METTL15: variants seen among roughly 807,000 people sequenced by gnomAD.
METTL15 encodes methyltransferase 15, mitochondrial 12S rRNA N4-cytidine.
In METTL15, 34 loss-of-function variants were observed where a neutral mutation model predicts 38.3. That is an observed-to-expected ratio of 0.89 (90% confidence interval 0.68 to 1.18). The LOEUF (loss-of-function observed/expected upper bound fraction) is 1.18, where lower values mean the gene tolerates loss of function less well. METTL15 is among the 50% of genes most tolerant of loss of function. The pLI is 0.00. For missense variants in METTL15, 438 were observed against 498.4 expected (o/e 0.88, Z 1.15); for synonymous variants, 162 against 170.9 (o/e 0.95, Z 0.41).
intron 6 of METTL15, among the ~76,000 whole-genome samples, chr11:28,513,873 A>G (rs1018234510): frequency 6.6e-6 from 1 of 152,228 alleles, no homozygotes; most frequent in Non-Finnish European, 1.5e-5. Flanking sequence ...CTTTGCCCTC[A>G]TTCCGGTAAA....
intron 4 of METTL15, among the ~76,000 whole-genome samples, chr11:28,255,335 T>C (rs992743219): frequency 1.3e-5 from 2 of 152,206 alleles, no homozygotes; most frequent in African/African-American, 2.4e-5. Flanking sequence ...TTATCAGTAC[T>C]AATAGTTTTG....
At chr11:28,155,351 GGA>G (rs1041561244) in intron 3 of METTL15, among the ~76,000 whole-genome samples, 2 of 152,148 alleles carry the variant, frequency 1.3e-5, no homozygotes, top group African/African-American at 2.4e-5. Flanking sequence ...AAGGGGTGGA[GGA>G]GAGAACGAGA....
At chr11:28,198,400 G>A (rs2133815558) in intron 3 of METTL15, among the ~76,000 whole-genome samples, 1 of 152,110 alleles carries the variant, frequency 6.6e-6, no homozygotes, top group Admixed American at 6.6e-5. Flanking sequence ...TTTAAAAGAA[G>A]AGAAAATAAA....
chr11:28,345,128 T>A (rs1849985335), intron 3 of METTL15, among the ~76,000 whole-genome samples: 1 of 152,182 alleles, frequency 6.6e-6, no homozygotes, highest in African/African-American at 2.4e-5. Context: ...TAAAAATAAT[T>A]CCAGTCCCCC....
At chr11:28,129,345 G>C (rs1053771244) in intron 3 of METTL15, among the ~76,000 whole-genome samples, 11 of 151,936 alleles carry the variant, frequency 7.2e-5, no homozygotes, top group African/African-American at 2.7e-4. Flanking sequence ...CTTTGACATT[G>C]GTGTTTGTAC....
chr11:28,124,958 T>A (rs1852411424), intron 3 of METTL15, among the ~76,000 whole-genome samples: 1 of 152,216 alleles, frequency 6.6e-6, no homozygotes, highest in South Asian at 2.1e-4. Flanking sequence ...AAAAACTTGA[T>A]TTTTCTCCAA....
intron 3 of METTL15, among the ~76,000 whole-genome samples, chr11:28,153,496 C>G (rs1366259435): frequency 6.6e-6 from 1 of 151,998 alleles, no homozygotes; most frequent in Admixed American, 6.6e-5. Context: ...GGAGGGCTGA[C>G]TATATTCTAA....
At chr11:28,500,300 A>C (rs1480361423) in intron 6 of METTL15, among the ~76,000 whole-genome samples, 7 of 152,186 alleles carry the variant, frequency 4.6e-5, no homozygotes, top group African/African-American at 1.7e-4. Context: ...CAACCACTTC[A>C]TTTTAAAGTT....
Position 28,345,584 on chromosome 11 carries a change from C to T in METTL15, c.*190-6506C>T, listed in dbSNP as rs949538286. Among the ~76,000 whole-genome samples, 3 of 152,192 alleles carry T rather than the reference C, an allele frequency of 2.0e-5. No individual in the cohort carries two copies. The South Asian group carries it at 6.2e-4, about 32-fold the overall frequency. On this transcript the variant is annotated intron_variant and NMD_transcript_variant, in intron 3 of 7. Transcript: ENST00000532947. The stretch of plus-strand genomic sequence containing the variant: ...AAAGGAGTATAATACTTTGCTGCAT[C>T]ACACATGGAATAAGATGGAATCTGT...
chr11:28,297,077 G>T (rs867399628), intron 6 of METTL15, 146 bp downstream of exon 6: 2 of 822,822 alleles, frequency 2.4e-6, no homozygotes, highest in African/African-American at 3.4e-5. Context: ...TGAAATCCAG[G>T]ATAGAATCTT....
chr11:28,435,454 G>A (rs1850973915), intron 6 of METTL15, among the ~76,000 whole-genome samples: 1 of 152,178 alleles, frequency 6.6e-6, no homozygotes, highest in East Asian at 1.9e-4. Context: ...GATGGGAAAT[G>A]TTCTTTGATT....
At chr11:28,420,261 ACAG>A (rs1850808323) in intron 5 of METTL15, among the ~76,000 whole-genome samples, 1 of 152,196 alleles carries the variant, frequency 6.6e-6, no homozygotes, top group African/African-American at 2.4e-5. Context: ...TACTCCCAAT[ACAG>A]TAATAACTAC....
intron 4 of METTL15, among the ~76,000 whole-genome samples, chr11:28,213,068 T>A (rs1852709083): frequency 6.6e-6 from 1 of 152,200 alleles, no homozygotes; most frequent in Non-Finnish European, 1.5e-5. Context: ...TAAACGACTT[T>A]ATGGGGACAG....
At chr11:28,402,977 C>T (rs1363541864) in intron 5 of METTL15, among the ~76,000 whole-genome samples, 1 of 151,918 alleles carries the variant, frequency 6.6e-6, no homozygotes, top group Non-Finnish European at 1.5e-5. Context: ...AACAGAGTGG[C>T]CTCCAGTCCC....
intron 6 of METTL15, among the ~76,000 whole-genome samples, chr11:28,511,891 G>A (rs1851677439): frequency 6.6e-6 from 1 of 152,178 alleles, no homozygotes; most frequent in Non-Finnish European, 1.5e-5. Flanking sequence ...CCCACATCCT[G>A]CTGATTGGTC....
rs538114477 is a variant in METTL15 at position 28,390,758 on chromosome 11, G to C, written c.*358+28722G>C. On this transcript the variant is annotated intron_variant and NMD_transcript_variant, in intron 5 of 7. Coordinates refer to the METTL15 transcript ENST00000532947. The stretch of plus-strand genomic sequence containing the variant: ...CACTTTAAAGTAGTTTTTTCCAATT[G>C]TGTGAAGAAAGGCATTGGTAGCTTG... 1.3e-3 allele frequency among the ~76,000 whole-genome samples: 204 copies of C among 152,012 alleles called. 1 individual carries two copies. The highest frequency in any genetic ancestry group is 7.8e-3 in the East Asian group (40 of 5,138).
At chr11:28,120,411 A>C (rs1852176745) in intron 3 of METTL15, among the ~76,000 whole-genome samples, 1 of 152,082 alleles carries the variant, frequency 6.6e-6, no homozygotes, top group African/African-American at 2.4e-5. Flanking sequence ...TGTTCTAAAA[A>C]ATGTAGCACA....
intron 5 of METTL15, among the ~76,000 whole-genome samples, chr11:28,422,559 G>GTTCC (rs1564926946): frequency 6.6e-6 from 1 of 151,874 alleles, no homozygotes; most frequent in African/African-American, 2.4e-5. Context: ...ACAGTGAACT[G>GTTCC]ATTTTCCACA....
intron 6 of METTL15, among the ~76,000 whole-genome samples, chr11:28,319,464 T>G (rs1487598933): frequency 1.3e-5 from 2 of 151,980 alleles, no homozygotes; most frequent in Non-Finnish European, 2.9e-5. Context: ...TGTTGTTTTT[T>G]TTTTGAGAAA....
Sources: gnomAD v4.1 joint callset for allele counts (sites outside exome capture counted in the v4.1 genomes callset) on GRCh38, gnomAD v4.1.1 for gene constraint, MANE v1.5 for transcripts, NCBI Gene and HGNC (gene_info 2026-07-23, HGNC 2026-07-21) for gene names.